The following LMAN1L variants were observed in gnomAD, a reference collection of about 807,000 sequenced individuals.
LMAN1L encodes the protein lectin, mannose binding 1 like.
In LMAN1L, 60 loss-of-function variants were observed where a neutral mutation model predicts 58.3. The ratio of observed to expected loss-of-function variants is 1.03; its 90% CI spans 0.84 to 1.27. LMAN1L has a LOEUF of 1.27. Ranked by LOEUF, LMAN1L falls within the 50% of genes most tolerant of loss-of-function variation. The pLI, the probability that LMAN1L is intolerant of heterozygous loss-of-function variation, is 0.00. For synonymous variants in LMAN1L, 280 were observed against 271.6 expected (o/e 1.03, Z -0.31); for missense variants, 629 against 674.0 (o/e 0.93, Z 0.74).
intron 11 of LMAN1L, among the ~76,000 whole-genome samples, 156 bp from the exon 12 acceptor site, chr15:74,823,403 T>C (rs913350564): frequency 6.6e-6 from 1 of 152,036 alleles, no homozygotes; most frequent in African/African-American, 2.4e-5. Flanking sequence ...GGAAGAAGGT[T>C]GGAGGTGAAA....
intron 13 of LMAN1L, 94 bp from the exon 14 acceptor site, chr15:74,825,382 A>G: frequency 1.5e-6 from 2 of 1,345,942 alleles, no homozygotes; most frequent in South Asian, 1.3e-5. Flanking sequence ...GTTGTGGTGC[A>G]GTGAGTGTAG....
In LMAN1L at chr15:74,821,900, G is replaced by C. The variant is rs1337093915; in HGVS notation, c.1131G>C (p.Lys377Asn). ...RGGHLSMSLNKDSAKVGALLH... is the reference protein window; with the variant it reads ...RGGHLSMSLNNDSAKVGALLH... ...GCCACCTCTCCATGTCACTCAATAA[G>C]GTAGGGACCCAAACACTGGGTGTTG... The change falls in exon 10 of 14, where the codon AAG (lysine) becomes AAC (asparagine). Residue 377 changes from lysine to asparagine, a missense_variant and splice_region_variant. Around this residue, in one of 3 missense-constraint regions of LMAN1L, gnomAD observed 573 missense variants for 597.3 expected, o/e 0.96. Coordinates refer to ENST00000309664, the MANE Select transcript of LMAN1L (RefSeq NM_021819.3). The C allele has an allele frequency of 6.2e-6, 10 of 1,604,024 alleles. No homozygotes were observed. The highest frequency in any genetic ancestry group is 7.7e-6 in the Non-Finnish European group (9 of 1,171,282).
chr15:74,814,034 G>A (rs1452311891), intron 1 of LMAN1L, among the ~76,000 whole-genome samples: 4 of 150,718 alleles, frequency 2.7e-5, no homozygotes, highest in Non-Finnish European at 5.9e-5. Flanking sequence ...GCTGAGGCAG[G>A]AGAATTGCTT....
At chr15:74,819,738 G>A in intron 6 of LMAN1L, 1 of 520,354 alleles carries the variant, frequency 1.9e-6, no homozygotes. Flanking sequence ...AGTAGCAGCT[G>A]TGCTCTGGGG....
At chr15:74,820,171 C>A in intron 7 of LMAN1L, 72 bp downstream of exon 7, 1 of 1,319,888 alleles carries the variant, frequency 7.6e-7, no homozygotes. Flanking sequence ...ATGGTGCCCT[C>A]AGACCTGCCA....
intron 10 of LMAN1L, 66 bp from the exon 11 acceptor site, chr15:74,822,576 G>A: frequency 1.5e-6 from 2 of 1,323,622 alleles, no homozygotes; most frequent in South Asian, 2.4e-5. Flanking sequence ...GTGCCGCTGG[G>A]AAGGTGGGCT....
rs112528325 is a variant in LMAN1L at position 74,823,568 on chromosome 15, T to C, written c.1209T>C (p.Ala403=). Residue 403 remains alanine (A), a synonymous_variant, in exon 12 of 14, where the codon GCT becomes GCC. Transcript: ENST00000309664. ...TACCACCCCCGGTTAGGGATGCAGC[T>C]GTCCGCATGGCTGCAGAAGCCCAGG... The part of the protein sequence containing the change: ...LQALQEMRDA[A]VRMAAEAQVS... The C allele has an allele frequency of 7.4e-6, 12 of 1,613,830 alleles. No individual in the cohort carries two copies. The African/African-American group carries it at 9.3e-5, about 13-fold the overall frequency.
At chr15:74,816,735 G>A (rs1488028137) in intron 4 of LMAN1L, 45 bp downstream of exon 4, 1 of 1,579,924 alleles carries the variant, frequency 6.3e-7, no homozygotes, top group Non-Finnish European at 8.7e-7. Context: ...TTTTTGCACT[G>A]GGAGGGGCCC....
Position 74,818,719 on chromosome 15 carries a change from G to T in LMAN1L, c.499G>T (p.Asp167Tyr). Residue 167 changes from aspartate to tyrosine, a missense_variant and splice_region_variant, in exon 5 of 14, where the codon GAT becomes TAT. Physicochemically the swap from Asp to Tyr is radical, Grantham distance 160. Around this residue, in one of 3 missense-constraint regions of LMAN1L, gnomAD observed 573 missense variants for 597.3 expected, o/e 0.96. Transcript: ENST00000309664. ...AACAAATGAACAAACTGCCCACAGG[G>T]ATGGAGCTAGCCAAGGGCTGGGCTC... ...DGHIPSEQPG[D>Y]GASQGLGSCH... 6.2e-7 allele frequency: 1 copy of T among 1,605,474 alleles called. No homozygotes were observed. Among genetic ancestry groups the T allele is most frequent in the Non-Finnish European group, 8.5e-7 (1 of 1,176,208 alleles).
chr15:74,819,415 C>A, intron 6 of LMAN1L, 143 bp downstream of exon 6: 1 of 1,082,230 alleles, frequency 9.2e-7, no homozygotes, highest in Non-Finnish European at 1.3e-6. Flanking sequence ...GAAGTCATGT[C>A]TGCCTTGAGA....
intron 11 of LMAN1L, among the ~76,000 whole-genome samples, 153 bp downstream of exon 11, chr15:74,822,862 T>C (rs180777065): frequency 4.6e-5 from 7 of 152,338 alleles, no homozygotes; most frequent in Admixed American, 2.6e-4. Context: ...TTGAGTTGAC[T>C]TGAATTTAAT....
At chr15:74,815,944 C>G (rs535141729) in intron 1 of LMAN1L, among the ~76,000 whole-genome samples, 37 of 152,348 alleles carry the variant, frequency 2.4e-4, no homozygotes, top group African/African-American at 8.7e-4. Flanking sequence ...TCACTGACGA[C>G]GTGGATGGTG....
chr15:74,816,632 G>A lies in LMAN1L; in HGVS notation c.439G>A (p.Asp147Asn). 1 of 1,613,566 alleles carries A rather than the reference G, an allele frequency of 6.2e-7. No individual in the cohort carries two copies. Among genetic ancestry groups the A allele is most frequent in the Non-Finnish European group, 8.5e-7 (1 of 1,179,760 alleles). ...FFDSPAEDTQ[D>N]SPAIRVLASD... The stretch of plus-strand genomic sequence containing the variant: ...CAGGCTGCTTCTCACCTCCCTGCAG[G>A]ACAGTCCTGCCATCCGTGTGCTGGC... Residue 147 changes from aspartate to asparagine, a missense_variant and splice_region_variant, in exon 4 of 14, where the codon GAC (aspartate) becomes AAC (asparagine). Asp to Asn is a conservative substitution (Grantham distance 23, BLOSUM62 1). Coordinates refer to ENST00000309664, the MANE Select transcript of LMAN1L (RefSeq NM_021819.3).
At chr15:74,813,689 G>T (rs184157550) in intron 1 of LMAN1L, among the ~76,000 whole-genome samples, 3 of 152,254 alleles carry the variant, frequency 2.0e-5, no homozygotes, top group Admixed American at 1.3e-4. Context: ...AGAGTGGAGC[G>T]TGAAATAGTC....
rs993172985 is a variant in LMAN1L, at chr15:74,821,021, C to T, written c.908-54C>T. 216 of 1,503,824 alleles carry T rather than the reference C, an allele frequency of 1.4e-4. 1 individual carries two copies. The highest frequency in any genetic ancestry group is 2.3e-4 in the Middle Eastern group (1 of 4,372). 93.2% of individuals were successfully genotyped at this position (1,503,824 alleles called of 1,614,324 possible). On this transcript the variant is annotated intron_variant, in intron 8 of 13. Coordinates refer to ENST00000309664, the MANE Select transcript of LMAN1L (RefSeq NM_021819.3). Reference sequence around the variant, plus strand: ...GAAGCCACCCCAAAGATAAGATAGGCTGTGTTACCCCACCATGGCTGGCTG... The same window carrying T: ...GAAGCCACCCCAAAGATAAGATAGGTTGTGTTACCCCACCATGGCTGGCTG...
chr15:74,823,698 T>G lies in LMAN1L; in HGVS notation c.1323+16T>G, dbSNP rs2063928191. Reference sequence around the variant, plus strand: ...GGGCCCGGCGGTGAGGGGAAAGTAGTGGGCAGCATGGGGTCCCCAACCTTG... The same window carrying G: ...GGGCCCGGCGGTGAGGGGAAAGTAGGGGGCAGCATGGGGTCCCCAACCTTG... On this transcript the variant is annotated intron_variant, in intron 12 of 13. Transcript: ENST00000309664. 6.2e-7 allele frequency: 1 copy of G among 1,610,394 alleles called. No homozygotes were observed. Among genetic ancestry groups the G allele is most frequent in the South Asian group, 1.1e-5 (1 of 90,998 alleles).
chr15:74,816,473 G>T lies in LMAN1L; in HGVS notation c.377G>T (p.Gly126Val), dbSNP rs151233715. The T allele has an allele frequency of 3.2e-6, 5 of 1,552,464 alleles. No homozygotes were observed. The highest frequency in any genetic ancestry group is 3.5e-6 in the Non-Finnish European group (4 of 1,145,574). ...RGRGHVGSVL[G>V]GLASWDGIGI... Reference sequence around the variant, plus strand: ...AGGGGCCATGTAGGCTCTGTCCTTGGGGGGCTGGCTTCGTGGGACGGCATC... The same window carrying T: ...AGGGGCCATGTAGGCTCTGTCCTTGTGGGGCTGGCTTCGTGGGACGGCATC... The change falls in exon 3 of 14, where the codon GGG (glycine) becomes GTG (valine). Residue 126 changes from glycine to valine, a missense_variant. Coordinates refer to ENST00000309664, the MANE Select transcript of LMAN1L (RefSeq NM_021819.3).
At chr15:74,823,093 G>A (rs2063924401) in intron 11 of LMAN1L, among the ~76,000 whole-genome samples, 2 of 152,174 alleles carry the variant, frequency 1.3e-5, no homozygotes, top group African/African-American at 4.8e-5. Context: ...TCCCTGACTT[G>A]GTTTTGTGCC....
At chr15:74,824,264 A>G in intron 12 of LMAN1L, 87 bp from the exon 13 acceptor site, 1 of 1,320,580 alleles carries the variant, frequency 7.6e-7, no homozygotes, top group Non-Finnish European at 1.1e-6. Flanking sequence ...GGGAAAGGAA[A>G]CGGAGCATGC....
Sources: allele counts gnomAD v4.1 joint callset (sites outside exome capture counted in the v4.1 genomes callset), GRCh38; gene constraint gnomAD v4.1.1; regional missense constraint gnomAD v4.1.1; transcripts MANE v1.5; gene names NCBI Gene and HGNC (gene_info 2026-07-23, HGNC 2026-07-21).